ERC1: variants seen among roughly 807,000 people sequenced by gnomAD.
ERC1 encodes the protein RAB6 interacting protein 2.
ERC1 carries 56 observed loss-of-function variants against 132.0 expected under a neutral mutation model. The ratio of observed to expected loss-of-function variants is 0.42; its 90% CI spans 0.34 to 0.53. The LOEUF (loss-of-function observed/expected upper bound fraction) is 0.53. Ranked by LOEUF, ERC1 falls within the 20% of genes least tolerant of loss-of-function variation. ERC1 has a pLI of 0.03. For missense variants in ERC1, 1,202 were observed against 1,349.9 expected (o/e 0.89, Z 1.72); for synonymous variants, 478 against 476.1 (o/e 1.00, Z -0.05).
At chr12:1,091,173 G>A (rs938085495) in intron 3 of ERC1, among the ~76,000 whole-genome samples, 2 of 152,176 alleles carry the variant, frequency 1.3e-5, no homozygotes, top group Admixed American at 6.5e-5. Flanking sequence ...ACAGGCGTAA[G>A]CTACTGCACC....
intron 2 of ERC1, among the ~76,000 whole-genome samples, chr12:1,072,332 A>G (rs979396407): frequency 5.3e-5 from 8 of 152,338 alleles, no homozygotes; most frequent in South Asian, 2.1e-4. Context: ...TTTAAATATG[A>G]AGGAAAATTT....
At chr12:1,012,307 A>G (rs1003587341) in intron 1 of ERC1, among the ~76,000 whole-genome samples, 2 of 152,158 alleles carry the variant, frequency 1.3e-5, no homozygotes, top group African/African-American at 4.8e-5. Flanking sequence ...TTTTAAACTT[A>G]TGATATGCTT....
At chr12:1,226,790 C>T (rs1258518614) in intron 12 of ERC1, among the ~76,000 whole-genome samples, 1 of 152,158 alleles carries the variant, frequency 6.6e-6, no homozygotes. Flanking sequence ...AATTTTTCTG[C>T]CTCAGCCTCT....
At chr12:1,196,955 CACACACATATATAT>C (rs1956361776) in intron 12 of ERC1, among the ~76,000 whole-genome samples, 1 of 27,898 alleles carries the variant, frequency 3.6e-5, no homozygotes, top group South Asian at 8.9e-4. Flanking sequence ...CACACACACA[CACACACATATATAT>C]ATATATATTT....
rs57458560 is a variant in ERC1 at position 1,296,401 on chromosome 12, C to CTTTTTTTTTTTTTTTT, written c.2780+6403_2780+6418dup. Among the ~76,000 whole-genome samples the CTTTTTTTTTTTTTTTT allele has an allele frequency of 1.3e-4, 10 of 76,236 alleles. 3 individuals carry two copies. The highest frequency in any genetic ancestry group is 2.4e-4 in the Non-Finnish European group (10 of 42,124). 50.0% of individuals were successfully genotyped at this position (76,236 alleles called of 152,430 possible). On this transcript the variant is annotated intron_variant, in intron 15 of 18. Transcript: ENST00000360905. The stretch of plus-strand genomic sequence containing the variant: ...AGAAATGAAACATTTATTGGATAGT[C>CTTTTTTTTTTTTTTTT]TTTTTTTTTTTTTTTTTTTTTTTTT...
chr12:1,236,950 A>T (rs376525856), intron 13 of ERC1, 46 bp downstream of exon 13: 4 of 1,604,970 alleles, frequency 2.5e-6, no homozygotes, highest in East Asian at 4.5e-5. Context: ...AAGACATTTG[A>T]TCCGTAATCG....
At chr12:1,144,058 GC>G (rs977634238) in intron 8 of ERC1, among the ~76,000 whole-genome samples, 1 of 151,740 alleles carries the variant, frequency 6.6e-6, no homozygotes, top group African/African-American at 2.4e-5. Flanking sequence ...TAATGTATGT[GC>G]CCCATTTCCT....
At chr12:1,039,657 A>T (rs1969840265) in intron 2 of ERC1, among the ~76,000 whole-genome samples, 1 of 152,230 alleles carries the variant, frequency 6.6e-6, no homozygotes, top group African/African-American at 2.4e-5. Context: ...AGAAAGTGGA[A>T]CTAAATTTAG....
intron 17 of ERC1, chr12:1,443,262 C>T (rs2093210982): frequency 1.3e-5 from 2 of 151,818 alleles, no homozygotes; most frequent in Non-Finnish European, 2.9e-5. Context: ...TTTCTTTTTT[C>T]CCCCAATTTT....
rs1593355674 is a variant in ERC1 at position 1,110,488 on chromosome 12, C to T, written c.1317+141C>T. ...AAGAATACTTTTAGCATAGTTCTTT[C>T]AAATGAAACTTCTCCAGAATTAAAG... On this transcript the variant is annotated intron_variant, in intron 5 of 18. Coordinates refer to ENST00000360905, the MANE Select transcript of ERC1 (RefSeq NM_178040.4). 5 of 638,162 alleles carry T rather than the reference C, an allele frequency of 7.8e-6. No homozygotes were observed. The East Asian group carries it at 1.6e-4, about 20-fold the overall frequency. The allele number at this position is 638,162 out of a possible 1,614,324, so 39.5% of individuals were successfully genotyped here. A position where few individuals can be genotyped will look rare whatever the true frequency, so the allele number is the denominator to read the frequency against.
intron 2 of ERC1, among the ~76,000 whole-genome samples, chr12:1,082,273 G>A (rs907583964): frequency 5.3e-5 from 8 of 151,662 alleles, no homozygotes; most frequent in African/African-American, 1.9e-4. Context: ...TGATGTGCCC[G>A]ACTCGGCCTC....
At chr12:1,460,011 T>C (rs1006086827) in intron 18 of ERC1, among the ~76,000 whole-genome samples, 4 of 152,236 alleles carry the variant, frequency 2.6e-5, no homozygotes, top group South Asian at 2.1e-4. Flanking sequence ...ATGAATGATA[T>C]GACAAATGTA....
At chr12:1,242,011 A>AT (rs1001650410) in intron 13 of ERC1, among the ~76,000 whole-genome samples, 4 of 151,014 alleles carry the variant, frequency 2.6e-5, no homozygotes, top group Admixed American at 1.3e-4. Flanking sequence ...CACCTGGCTA[A>AT]TTTTTTTGAA....
At chr12:1,435,898 T>C (rs1056051554) in intron 17 of ERC1, among the ~76,000 whole-genome samples, 1 of 152,184 alleles carries the variant, frequency 6.6e-6, no homozygotes, top group African/African-American at 2.4e-5. Flanking sequence ...GGGTAATAGC[T>C]AACTCTTCTT....
intron 2 of ERC1, among the ~76,000 whole-genome samples, chr12:1,035,094 T>C (rs1968812164): frequency 6.6e-6 from 1 of 152,194 alleles, no homozygotes; most frequent in Non-Finnish European, 1.5e-5. Context: ...AACACTGCAA[T>C]GAGATACAGA....
intron 12 of ERC1, among the ~76,000 whole-genome samples, chr12:1,208,957 A>ATTTTT (rs538961813): frequency 7.0e-5 from 5 of 71,610 alleles, no homozygotes; most frequent in Non-Finnish European, 1.0e-4. Context: ...CGCCCAGCTG[A>ATTTTT]TTTTTTTTTT....
intron 7 of ERC1, among the ~76,000 whole-genome samples, chr12:1,135,761 C>T (rs1949186368): frequency 6.6e-6 from 1 of 152,086 alleles, no homozygotes; most frequent in South Asian, 2.1e-4. Context: ...TTCTCAGAGC[C>T]CTCATAGAGA....
In ERC1 at chr12:1,355,477, A is replaced by G. The variant is rs114539125; in HGVS notation, c.2781-16356A>G. Among the ~76,000 whole-genome samples the G allele has an allele frequency of 4.0e-3, 608 of 152,334 alleles. 6 individuals carry two copies. Among genetic ancestry groups the G allele is most frequent in the African/African-American group, 0.013 (538 of 41,568 alleles). On this transcript the variant is annotated intron_variant, in intron 15 of 18. Coordinates refer to ENST00000360905, the MANE Select transcript of ERC1 (RefSeq NM_178040.4). ...AACCTACACCATAAAAAGCTTTTCTAAGTTCTGCAGCAGTGCTGTTATGAC... is the reference window on the plus strand; with the variant it reads ...AACCTACACCATAAAAAGCTTTTCTGAGTTCTGCAGCAGTGCTGTTATGAC...
chr12:1,123,859 G>T (rs1214293221), intron 7 of ERC1, among the ~76,000 whole-genome samples: 2 of 152,222 alleles, frequency 1.3e-5, no homozygotes, highest in African/African-American at 4.8e-5. Flanking sequence ...GCTGGGCGTG[G>T]TGGCACGCAC....
Sources: gnomAD v4.1 joint callset for allele counts (sites outside exome capture counted in the v4.1 genomes callset) on GRCh38, gnomAD v4.1.1 for gene constraint, MANE v1.5 for transcripts, NCBI Gene and HGNC (gene_info 2026-07-23, HGNC 2026-07-21) for gene names.